FBN2: variants seen among roughly 807,000 people sequenced by gnomAD.
FBN2 encodes fibrillin-2.
In FBN2, 105 loss-of-function variants were observed where a neutral mutation model predicts 355.6. The ratio of observed to expected loss-of-function variants is 0.30; its 90% confidence interval spans 0.25 to 0.35. The LOEUF (loss-of-function observed/expected upper bound fraction) is 0.35. Among genes scored for constraint, FBN2 ranks in the 10% least tolerant of loss-of-function variants. The pLI is 1.00. For synonymous variants in FBN2, 1,350 were observed against 1,301.2 expected (o/e 1.04, Z -0.81); for missense variants, 3,280 against 3,758.7 (o/e 0.87, Z 3.33).
At position 128,522,465 on chromosome 5, in the gene FBN2, G is replaced by A. The variant is rs376405663; in HGVS notation, c.533-3097C>T. On this transcript the variant is annotated intron_variant, in intron 4 of 64. Coordinates refer to ENST00000262464, the MANE Select transcript of FBN2 (RefSeq NM_001999.4). Reference sequence around the variant, plus strand: ...ACTTAACAGTTCCTCCCCTACAGACGTTTGAGGACTAAATAAAATAGCATA... The same window carrying A: ...ACTTAACAGTTCCTCCCCTACAGACATTTGAGGACTAAATAAAATAGCATA... 2.6e-5 allele frequency among the ~76,000 whole-genome samples: 4 copies of A among 152,150 alleles called. No individual in the cohort carries two copies. The South Asian group carries it at 8.3e-4, about 32-fold the overall frequency.
intron 40 of FBN2, 136 bp downstream of exon 40, chr5:128,309,847 A>G (rs1407553303): frequency 7.1e-6 from 7 of 990,134 alleles, no homozygotes; most frequent in Non-Finnish European, 1.1e-5. Context: ...CTAAGCCAGC[A>G]GCTTGCAAGA....
intron 6 of FBN2, among the ~76,000 whole-genome samples, chr5:128,448,310 C>CT (rs879871953): frequency 0.016 from 2,365 of 145,538 alleles, 57 homozygotes; most frequent in African/African-American, 0.053. Context: ...AATTTTCTTT[C>CT]TTTTTTTTTT....
chr5:128,537,940 G>T lies in FBN2; in HGVS notation c.-337C>A, dbSNP rs1581380907. On this transcript the variant is annotated 5_prime_UTR_variant, in exon 1 of 65. Coordinates refer to ENST00000262464, the MANE Select transcript of FBN2 (RefSeq NM_001999.4). The stretch of plus-strand genomic sequence containing the variant: ...GCGGGCGGGGGAGGAAATTACAAAA[G>T]CCCTGGCGTAAAATTTCAAAAAATG... The T allele has an allele frequency of 2.6e-6, 1 of 382,210 alleles. No homozygotes were observed. Among genetic ancestry groups the T allele is most frequent in the East Asian group, 4.5e-5 (1 of 22,402 alleles). The allele number at this position is 382,210 out of a possible 1,614,324, so 23.7% of individuals were successfully genotyped here.
At position 128,301,017 on chromosome 5, in the gene FBN2, A is replaced by G. The variant is rs989097286; in HGVS notation, c.6047-81T>C. 31 of 1,373,030 alleles carry G rather than the reference A, an allele frequency of 2.3e-5. No individual in the cohort carries two copies. In the African/African-American group the frequency reaches 3.1e-4, roughly 14 times the overall value. The allele number at this position is 1,373,030 out of a possible 1,614,324, so 85.1% of individuals were successfully genotyped here. On this transcript the variant is annotated intron_variant, in intron 47 of 64. Coordinates refer to ENST00000262464, the MANE Select transcript of FBN2 (RefSeq NM_001999.4). ...ATTTATCTGTCTGCCAAATGATATT[A>G]ACATGAATTCAACTCGGGTCCTCTG...
chr5:128,349,749 C>T (rs1158449302), intron 22 of FBN2, among the ~76,000 whole-genome samples: 1 of 152,178 alleles, frequency 6.6e-6, no homozygotes, highest in Non-Finnish European at 1.5e-5. Context: ...ATGAAATTTA[C>T]ACAACTCCAT....
At chr5:128,408,987 TAAACTCCCATGGCAGTTAAAAC>T (rs1753002274) in intron 7 of FBN2, among the ~76,000 whole-genome samples, 188 bp from the exon 8 acceptor site, 1 of 152,258 alleles carries the variant, frequency 6.6e-6, no homozygotes, top group East Asian at 1.9e-4. Context: ...GAGATGAAAG[TAAACTCCCATGGCAGTTAAAAC>T]AAGGCCAACT....
chr5:128,451,111 T>C (rs970152243), intron 6 of FBN2, among the ~76,000 whole-genome samples: 1 of 152,166 alleles, frequency 6.6e-6, no homozygotes, highest in South Asian at 2.1e-4. Flanking sequence ...TCAGTACATA[T>C]CAATTTGCCC....
chr5:128,455,866 T>C (rs776626151), intron 6 of FBN2, among the ~76,000 whole-genome samples: 19 of 151,524 alleles, frequency 1.3e-4, no homozygotes, highest in Admixed American at 3.3e-4. Context: ...ACGTACAGAT[T>C]ATTACAGCCT....
chr5:128,374,389 A>G (rs1455533579), intron 15 of FBN2, among the ~76,000 whole-genome samples: 1 of 151,914 alleles, frequency 6.6e-6, no homozygotes, highest in Non-Finnish European at 1.5e-5. Context: ...CTGTCCTAAC[A>G]CGAATCTACT....
rs1433080991 is a variant in FBN2, at chr5:128,274,567, C to T, written c.7711G>A (p.Asp2571Asn). ...TTTCCCATTTGTAACTTTGTCTTAC[C>T]GATACAAGCAGTGTGATGCTGTGTG... is the stretch of plus-strand genomic sequence containing the variant. ...GFTQHHTACIDNNECGSQPSL... is the reference protein window; with the variant it reads ...GFTQHHTACINNNECGSQPSL... Residue 2571 changes from aspartate (D) to asparagine (N), a missense_variant and splice_region_variant, in exon 60 of 65, where the codon GAC becomes AAC. Coordinates refer to ENST00000262464, the MANE Select transcript of FBN2 (RefSeq NM_001999.4). 5 of 1,561,844 alleles carry T rather than the reference C, an allele frequency of 3.2e-6. No individual in the cohort carries two copies. The highest frequency in any genetic ancestry group is 2.2e-5 in the East Asian group (1 of 44,628).
chr5:128,301,094 T>C (rs866360837), intron 47 of FBN2, among the ~76,000 whole-genome samples, 158 bp from the exon 48 acceptor site: 3 of 152,376 alleles, frequency 2.0e-5, no homozygotes, highest in Middle Eastern at 3.4e-3. Flanking sequence ...TTCTGACATC[T>C]TGGATATTTC....
chr5:128,296,497 T>G (rs1265349654), intron 48 of FBN2, among the ~76,000 whole-genome samples: 9 of 152,060 alleles, frequency 5.9e-5, no homozygotes, highest in Non-Finnish European at 1.5e-5. Context: ...AGCTATTGAT[T>G]ATTGCCACAA....
chr5:128,296,861 A>T (rs1749534268), intron 48 of FBN2, among the ~76,000 whole-genome samples: 1 of 151,036 alleles, frequency 6.6e-6, no homozygotes, highest in African/African-American at 2.4e-5. Flanking sequence ...GATTTTAGTT[A>T]TTTCTTGCCT....
At chr5:128,390,929 C>T (rs1485710268) in intron 11 of FBN2, among the ~76,000 whole-genome samples, 4 of 152,140 alleles carry the variant, frequency 2.6e-5, no homozygotes, top group Non-Finnish European at 4.4e-5. Context: ...AATTTGAAGG[C>T]ATTTTTATGA....
chr5:128,268,970 A>C (rs1765190066), intron 62 of FBN2, among the ~76,000 whole-genome samples: 1 of 152,238 alleles, frequency 6.6e-6, no homozygotes, highest in East Asian at 1.9e-4. Flanking sequence ...GTATAAGATA[A>C]GAATGCCTTC....
In FBN2 at chr5:128,259,185, T is replaced by A; in HGVS notation, c.*270A>T. On this transcript the variant is annotated 3_prime_UTR_variant, in exon 65 of 65. Transcript: ENST00000262464. ...GTGCATTTAGTGCCATATGCTGATA[T>A]CTTGAACATTTAGGTTTCTTTTAAT... 2.3e-6 allele frequency: 1 copy of A among 431,138 alleles called. No individual in the cohort carries two copies. Among genetic ancestry groups the A allele is most frequent in the South Asian group, 3.0e-5 (1 of 33,616 alleles). 26.7% of individuals were successfully genotyped at this position (431,138 alleles called of 1,614,324 possible).
intron 32 of FBN2, among the ~76,000 whole-genome samples, chr5:128,332,335 C>T (rs1037301251): frequency 6.6e-6 from 1 of 152,152 alleles, no homozygotes; most frequent in African/African-American, 2.4e-5. Flanking sequence ...GTGAATGACA[C>T]TCAGGGTATA....
At chr5:128,486,068 C>T (rs796602694) in intron 5 of FBN2, among the ~76,000 whole-genome samples, 15 of 152,240 alleles carry the variant, frequency 9.9e-5, no homozygotes, top group African/African-American at 3.6e-4. Context: ...AAAAATCAGA[C>T]ATATCTCATT....
chr5:128,284,598 A>G (rs1209861050), intron 55 of FBN2, among the ~76,000 whole-genome samples: 2 of 152,100 alleles, frequency 1.3e-5, no homozygotes, highest in Non-Finnish European at 2.9e-5. Flanking sequence ...TGTAGTTTCA[A>G]TTCATGTTTG....
Sources: allele counts gnomAD v4.1 joint callset (sites outside exome capture counted in the v4.1 genomes callset), GRCh38; gene constraint gnomAD v4.1.1; transcripts MANE v1.5; gene names NCBI Gene and HGNC (gene_info 2026-07-23, HGNC 2026-07-21).